Variants in FBXL17 observed in about 807,000 individuals in gnomAD.
FBXL17 encodes the protein F-box and leucine rich repeat protein 17, also known as F-box/LRR-repeat protein 17.
Under a neutral mutation model 66.2 loss-of-function variants are expected in FBXL17, and 22 were observed. The ratio of observed to expected loss-of-function variants is 0.33; its 90% CI spans 0.24 to 0.47. The LOEUF (loss-of-function observed/expected upper bound fraction) is 0.47, where lower values mean the gene tolerates loss of function less well. FBXL17 is among the 20% of genes least tolerant of loss of function. The probability of loss-of-function intolerance (pLI) is 1.00; values close to 1 mark genes in which losing one functional copy is unlikely to be tolerated. For missense variants in FBXL17, 878 were observed against 948.2 expected, an observed-to-expected ratio of 0.93 and a Z score of 0.97; for synonymous variants, 474 against 400.5, an observed-to-expected ratio of 1.18 and a Z score of -2.19.
chr5:108,116,948 T>A lies in FBXL17; in HGVS notation c.1745+69169A>T, dbSNP rs577467364. Among the ~76,000 whole-genome samples the A allele has an allele frequency of 5.3e-5, 8 of 152,184 alleles. No individual in the cohort carries two copies. In the East Asian group the frequency reaches 1.4e-3, roughly 26 times the overall value. ...TACATTAAAAAAAAATTGGTGAAAATAATTTTCATAATTTTGTTAGGGCTG... is the reference window on the plus strand; with the variant it reads ...TACATTAAAAAAAAATTGGTGAAAAAAATTTTCATAATTTTGTTAGGGCTG... On this transcript the variant is annotated intron_variant, in intron 6 of 8. Coordinates refer to ENST00000542267, the MANE Select transcript of FBXL17 (RefSeq NM_001163315.3).
Position 108,186,111 on chromosome 5 carries a change from G to T in FBXL17, c.1745+6C>A. 1 of 1,604,696 alleles carries T rather than the reference G, an allele frequency of 6.2e-7. No homozygotes were observed. The highest frequency in any genetic ancestry group is 8.5e-7 in the Non-Finnish European group (1 of 1,173,452). ...AAAAGTATTTTTAACATGTTACAAT[G>T]GTTACCTGTCATTTATGATCCAGTT... On this transcript the variant is annotated splice_donor_region_variant and intron_variant, in intron 6 of 8. Coordinates refer to ENST00000542267, the MANE Select transcript of FBXL17 (RefSeq NM_001163315.3).
chr5:108,137,291 G>A (rs1163371893), intron 6 of FBXL17, among the ~76,000 whole-genome samples: 1 of 152,078 alleles, frequency 6.6e-6, no homozygotes, highest in African/African-American at 2.4e-5. Context: ...TACATAGCAG[G>A]TGCTGGCAAG....
At chr5:108,236,201 C>T (rs73214528) in intron 4 of FBXL17, among the ~76,000 whole-genome samples, 32,705 of 151,562 alleles carry the variant, frequency 0.22, 3,781 homozygotes, top group African/African-American at 0.28. Context: ...CAGAGTGAGA[C>T]CCTGTCTCTT....
At chr5:108,329,956 A>G (rs1760043038) in intron 4 of FBXL17, among the ~76,000 whole-genome samples, 2 of 152,126 alleles carry the variant, frequency 1.3e-5, no homozygotes, top group African/African-American at 2.4e-5. Flanking sequence ...AAAAGTTACT[A>G]TAAAATCAGT....
At chr5:108,265,485 A>G (rs946461815) in intron 4 of FBXL17, among the ~76,000 whole-genome samples, 1 of 152,146 alleles carries the variant, frequency 6.6e-6, no homozygotes, top group African/African-American at 2.4e-5. Context: ...ATGATATAAT[A>G]AAATCAACAT....
At chr5:108,351,351 G>GT (rs371447046) in intron 3 of FBXL17, among the ~76,000 whole-genome samples, 1 of 152,232 alleles carries the variant, frequency 6.6e-6, no homozygotes, top group Non-Finnish European at 1.5e-5. Flanking sequence ...AAGTGGGTAA[G>GT]TTTTTTAAAA....
At position 108,379,257 on chromosome 5, in the gene FBXL17, C is replaced by A. The variant is rs143294525; in HGVS notation, c.993+1442G>T. Among the ~76,000 whole-genome samples, 20 of 152,070 alleles carry A rather than the reference C, an allele frequency of 1.3e-4. No individual in the cohort carries two copies. The East Asian group carries it at 3.3e-3, about 25-fold the overall frequency. On this transcript the variant is annotated intron_variant, in intron 1 of 8. Transcript: ENST00000542267. ...GTTCATTTTGAAACAGTCTTATTTG[C>A]CAAATAAGAAGACAGCAATCAAGTT...
In FBXL17 at chr5:107,950,787, G is replaced by A. The variant is rs149462090; in HGVS notation, c.1823-69608C>T. 3.6e-3 allele frequency among the ~76,000 whole-genome samples: 548 copies of A among 152,242 alleles called. 4 individuals are homozygous for A. The highest frequency in any genetic ancestry group is 0.013 in the African/African-American group (523 of 41,534). ...TAATTGAAAGTTTGTGTCTAAATCC[G>A]TTTGTCATAATAGAGCAAATTAAGA... On this transcript the variant is annotated intron_variant, in intron 7 of 8. Transcript: ENST00000542267.
At chr5:108,103,990 A>C (rs909911738) in intron 6 of FBXL17, among the ~76,000 whole-genome samples, 1 of 152,098 alleles carries the variant, frequency 6.6e-6, no homozygotes, top group African/African-American at 2.4e-5. Flanking sequence ...GGGTCTTCTC[A>C]AATTTCTGAC....
At chr5:108,368,164 A>C (rs1184520689) in intron 1 of FBXL17, among the ~76,000 whole-genome samples, 1 of 152,110 alleles carries the variant, frequency 6.6e-6, no homozygotes, top group Non-Finnish European at 1.5e-5. Context: ...TTCTGTAAGA[A>C]GAGGAGGGGA....
At chr5:107,972,776 T>C (rs1340241304) in intron 7 of FBXL17, among the ~76,000 whole-genome samples, 3 of 152,332 alleles carry the variant, frequency 2.0e-5, no homozygotes, top group South Asian at 4.1e-4. Context: ...CATAAAGATT[T>C]GTCACTTTTT....
At chr5:108,101,642 G>A (rs1158646415) in intron 6 of FBXL17, among the ~76,000 whole-genome samples, 2 of 152,162 alleles carry the variant, frequency 1.3e-5, no homozygotes, top group East Asian at 3.8e-4. Context: ...AGGAGAAAAT[G>A]TTTATAATTA....
intron 6 of FBXL17, among the ~76,000 whole-genome samples, chr5:108,104,962 C>T (rs559261309): frequency 6.6e-5 from 10 of 152,264 alleles, no homozygotes; most frequent in African/African-American, 2.2e-4. Flanking sequence ...CTGCCTCAGC[C>T]TCCTGAGTAG....
At chr5:108,100,621 G>A (rs1749564113) in intron 6 of FBXL17, among the ~76,000 whole-genome samples, 1 of 152,108 alleles carries the variant, frequency 6.6e-6, no homozygotes. Context: ...TGCTTTAGAA[G>A]AACTCCTAGG....
chr5:107,995,411 T>G (rs937410493), intron 7 of FBXL17, among the ~76,000 whole-genome samples: 1 of 152,180 alleles, frequency 6.6e-6, no homozygotes, highest in Non-Finnish European at 1.5e-5. Context: ...CTAAATGAAC[T>G]CTTTCCTACA....
intron 7 of FBXL17, among the ~76,000 whole-genome samples, chr5:107,994,523 T>C (rs1174198846): frequency 6.6e-6 from 1 of 151,916 alleles, no homozygotes; most frequent in African/African-American, 2.4e-5. Context: ...AAAATAAACA[T>C]AAAGGGCAAT....
chr5:107,931,260 T>TATA (rs35719842), intron 7 of FBXL17, among the ~76,000 whole-genome samples: 1 of 85,642 alleles, frequency 1.2e-5, no homozygotes, highest in African/African-American at 3.4e-5. Context: ...AAAGAGAATT[T>TATA]TTTTTTTTTT....
chr5:108,209,008 C>A (rs1433999040), intron 5 of FBXL17, among the ~76,000 whole-genome samples: 1 of 152,122 alleles, frequency 6.6e-6, no homozygotes, highest in Non-Finnish European at 1.5e-5. Flanking sequence ...TTGTAGTTCT[C>A]CTTGAAGAGG....
chr5:108,126,664 C>CACAT (rs1750724656), intron 6 of FBXL17, among the ~76,000 whole-genome samples: 2 of 107,958 alleles, frequency 1.9e-5, no homozygotes, highest in African/African-American at 6.5e-5. Flanking sequence ...TATATATATA[C>CACAT]ATATATATAT....
Sources: gnomAD v4.1 joint callset for allele counts (sites outside exome capture counted in the v4.1 genomes callset) on GRCh38, gnomAD v4.1.1 for gene constraint, MANE v1.5 for transcripts, NCBI Gene and HGNC (gene_info 2026-07-23, HGNC 2026-07-21) for gene names.